ACOXL: variants seen among roughly 807,000 people sequenced by gnomAD.
ACOXL encodes the protein acyl-CoA oxidase like.
Under a neutral mutation model 71.9 loss-of-function variants are expected in ACOXL, and 70 were observed. The ratio of observed to expected loss-of-function variants is 0.97; its 90% CI spans 0.80 to 1.19. ACOXL has a LOEUF of 1.19. Among genes scored for constraint, ACOXL ranks in the 50% most tolerant of loss-of-function variants. The pLI is 0.00. For missense variants in ACOXL, 703 were observed against 736.3 expected, an observed-to-expected ratio of 0.95 and a Z score of 0.52; for synonymous variants, 253 against 281.6, an observed-to-expected ratio of 0.90 and a Z score of 1.02.
intron 17 of ACOXL, among the ~76,000 whole-genome samples, chr2:111,097,218 C>T (rs1558965662): frequency 6.6e-6 from 1 of 151,960 alleles, no homozygotes; most frequent in Non-Finnish European, 1.5e-5. Flanking sequence ...TGGTTGTTTT[C>T]TGCAGAAAAG....
intron 17 of ACOXL, chr2:111,114,089 A>G (rs1001371536): frequency 1.0e-4 from 16 of 152,644 alleles, no homozygotes; most frequent in African/African-American, 3.6e-4. Context: ...ATAATGACTG[A>G]TACTTATTCT....
At chr2:110,814,348 C>T (rs987555144) in intron 9 of ACOXL, among the ~76,000 whole-genome samples, 3 of 151,880 alleles carry the variant, frequency 2.0e-5, no homozygotes, top group African/African-American at 7.3e-5. Flanking sequence ...ATGAGTTGAT[C>T]CAGCCTTTTC....
chr2:110,818,702 T>C (rs1190513299), intron 9 of ACOXL, among the ~76,000 whole-genome samples: 3 of 152,016 alleles, frequency 2.0e-5, no homozygotes, highest in Non-Finnish European at 4.4e-5. Context: ...AATCCTCTGG[T>C]TTATTCACTC....
intron 2 of ACOXL, among the ~76,000 whole-genome samples, chr2:110,783,614 G>C (rs1305778327): frequency 6.6e-6 from 1 of 151,924 alleles, no homozygotes; most frequent in African/African-American, 2.4e-5. Context: ...TAGAAACACA[G>C]ACACACACAC....
At chr2:110,965,676 A>G (rs1158489643) in intron 12 of ACOXL, among the ~76,000 whole-genome samples, 1 of 152,200 alleles carries the variant, frequency 6.6e-6, no homozygotes, top group East Asian at 1.9e-4. Context: ...GCCTGCTAAG[A>G]TAGAATAGCC....
At chr2:110,942,542 A>G (rs943600088) in intron 12 of ACOXL, among the ~76,000 whole-genome samples, 15 of 152,132 alleles carry the variant, frequency 9.9e-5, no homozygotes, top group Non-Finnish European at 2.1e-4. Context: ...TAGGCACCAA[A>G]TCATAATCCT....
chr2:110,901,094 C>T (rs991505933), intron 10 of ACOXL, among the ~76,000 whole-genome samples: 5 of 152,222 alleles, frequency 3.3e-5, no homozygotes. Flanking sequence ...ACAGTCTTTG[C>T]AGTCTCCAGC....
chr2:110,938,271 T>C (rs1388046188), intron 12 of ACOXL, among the ~76,000 whole-genome samples: 2 of 152,076 alleles, frequency 1.3e-5, no homozygotes, highest in Non-Finnish European at 2.9e-5. Context: ...ATGGGCTGGG[T>C]CTCAGTGAGG....
At chr2:110,933,999 C>G (rs1023809312) in intron 12 of ACOXL, among the ~76,000 whole-genome samples, 2 of 152,140 alleles carry the variant, frequency 1.3e-5, no homozygotes, top group African/African-American at 4.8e-5. Flanking sequence ...AGGAAATGAC[C>G]CCAAGGGTTT....
At chr2:111,015,980 T>A (rs1466208422) in intron 14 of ACOXL, among the ~76,000 whole-genome samples, 1 of 152,234 alleles carries the variant, frequency 6.6e-6, no homozygotes, top group Non-Finnish European at 1.5e-5. Flanking sequence ...TTGCCCAGGC[T>A]GGAGTGCAGT....
intron 11 of ACOXL, among the ~76,000 whole-genome samples, chr2:110,914,736 A>G (rs1195009006): frequency 2.0e-5 from 3 of 152,212 alleles, no homozygotes; most frequent in African/African-American, 7.2e-5. Flanking sequence ...TGAGATGGAC[A>G]TCCTATATTG....
chr2:110,753,344 G>C (rs1003901295), intron 1 of ACOXL, among the ~76,000 whole-genome samples: 2 of 152,136 alleles, frequency 1.3e-5, no homozygotes, highest in Non-Finnish European at 2.9e-5. Flanking sequence ...CCCAGTCTCA[G>C]ATGTTCCTCT....
intron 14 of ACOXL, among the ~76,000 whole-genome samples, chr2:111,003,575 A>AAAAAAAAAAAG: frequency 6.9e-6 from 1 of 145,026 alleles, no homozygotes; most frequent in Non-Finnish European, 1.5e-5. Context: ...AAAAAAAAAA[A>AAAAAAAAAAAG]AAAAGAATCA....
chr2:110,835,333 A>G (rs776793833), intron 9 of ACOXL, among the ~76,000 whole-genome samples: 1 of 152,106 alleles, frequency 6.6e-6, no homozygotes, highest in Non-Finnish European at 1.5e-5. Flanking sequence ...CATAGTGAAC[A>G]TAAGTTGCTG....
intron 10 of ACOXL, among the ~76,000 whole-genome samples, chr2:110,844,601 G>A (rs1691569399): frequency 6.9e-6 from 1 of 145,888 alleles, no homozygotes; most frequent in African/African-American, 2.6e-5. Flanking sequence ...AGGCTGGAAT[G>A]CAGTGGCATG....
At chr2:110,980,966 C>T (rs1406068151) in intron 12 of ACOXL, among the ~76,000 whole-genome samples, 1 of 152,152 alleles carries the variant, frequency 6.6e-6, no homozygotes, top group Non-Finnish European at 1.5e-5. Context: ...TGCTCTTGCC[C>T]CTCCCCCAGC....
chr2:110,853,240 C>A (rs917072041), intron 10 of ACOXL, among the ~76,000 whole-genome samples: 2 of 152,210 alleles, frequency 1.3e-5, no homozygotes, highest in African/African-American at 4.8e-5. Flanking sequence ...TACTGACTGG[C>A]AGCTACGGTG....
At chr2:111,032,816 C>G (rs1219587019) in intron 15 of ACOXL, among the ~76,000 whole-genome samples, 7 of 152,170 alleles carry the variant, frequency 4.6e-5, no homozygotes, top group Admixed American at 3.9e-4. Context: ...TGGGCAGTTC[C>G]AAAAGAGCAA....
intron 14 of ACOXL, among the ~76,000 whole-genome samples, chr2:111,007,676 C>A (rs764490996): frequency 1.1e-4 from 17 of 152,144 alleles, no homozygotes; most frequent in Admixed American, 3.3e-4. Context: ...AGAGCTGGTT[C>A]TTTTTCCTAG....
Sources: gnomAD v4.1 joint callset for allele counts (sites outside exome capture counted in the v4.1 genomes callset) on GRCh38, gnomAD v4.1.1 for gene constraint, MANE v1.5 for transcripts, NCBI Gene and HGNC (gene_info 2026-07-23, HGNC 2026-07-21) for gene names.